TNR: variants seen among roughly 807,000 people sequenced by gnomAD.
TNR encodes tenascin R.
TNR carries 45 observed loss-of-function variants against 150.4 expected under a neutral mutation model. The ratio of observed to expected loss-of-function variants is 0.30; its 90% CI spans 0.24 to 0.38. The LOEUF (loss-of-function observed/expected upper bound fraction) is 0.38. Ranked by LOEUF, TNR falls within the 10% of genes least tolerant of loss-of-function variation. The pLI, the probability that TNR is intolerant of heterozygous loss-of-function variation, is 1.00. For synonymous variants in TNR, 687 were observed against 678.4 expected, an observed-to-expected ratio of 1.01 and a Z score of -0.20; for missense variants, 1,544 against 1,759.1, an observed-to-expected ratio of 0.88 and a Z score of 2.19.
chr1:175,478,750 A>G (rs1657655946), intron 2 of TNR, among the ~76,000 whole-genome samples: 1 of 152,188 alleles, frequency 6.6e-6, no homozygotes, highest in Non-Finnish European at 1.5e-5. Flanking sequence ...TTATATAAAA[A>G]GATAATGTGG....
intron 2 of TNR, among the ~76,000 whole-genome samples, chr1:175,487,191 A>T (rs781286596): frequency 6.6e-6 from 1 of 151,764 alleles, no homozygotes; most frequent in African/African-American, 2.4e-5. Flanking sequence ...GTCAGGTACT[A>T]GGTTCTTATA....
intron 1 of TNR, among the ~76,000 whole-genome samples, chr1:175,730,165 G>A (rs374904078): frequency 2.6e-5 from 4 of 152,018 alleles, no homozygotes; most frequent in African/African-American, 9.7e-5. Context: ...GCCACATCAC[G>A]TTTCTCGGTT....
chr1:175,579,329 C>G (rs954699130), intron 1 of TNR, among the ~76,000 whole-genome samples: 7 of 152,098 alleles, frequency 4.6e-5, no homozygotes, highest in African/African-American at 1.7e-4. Flanking sequence ...GGGAGTGCTA[C>G]AGACTGTAGG....
chr1:175,557,444 G>A (rs1251109131), intron 1 of TNR, among the ~76,000 whole-genome samples: 1 of 152,172 alleles, frequency 6.6e-6, no homozygotes, highest in Admixed American at 6.5e-5. Flanking sequence ...AGTGTGTGAG[G>A]AGGATAACAG....
chr1:175,376,606 A>G (rs1652399346), intron 9 of TNR, among the ~76,000 whole-genome samples: 1 of 152,120 alleles, frequency 6.6e-6, no homozygotes, highest in Non-Finnish European at 1.5e-5. Context: ...GTGAGAAAGC[A>G]CAATGTTTTA....
chr1:175,387,016 T>G (rs964303175), intron 7 of TNR, among the ~76,000 whole-genome samples: 3 of 152,228 alleles, frequency 2.0e-5, no homozygotes, highest in Admixed American at 6.5e-5. Context: ...TCTTCCAGGT[T>G]CTCTAGTGTA....
intron 20 of TNR, among the ~76,000 whole-genome samples, chr1:175,333,931 A>T (rs1175023446): frequency 6.6e-6 from 1 of 152,172 alleles, no homozygotes; most frequent in African/African-American, 2.4e-5. Flanking sequence ...CAGAGGAAGC[A>T]TCGGGGGTTT....
intron 20 of TNR, among the ~76,000 whole-genome samples, chr1:175,332,669 G>T (rs1431037234): frequency 6.6e-6 from 1 of 152,036 alleles, no homozygotes; most frequent in Non-Finnish European, 1.5e-5. Flanking sequence ...TCCCTCACTG[G>T]GATTGGGTTT....
At chr1:175,731,869 T>C (rs1445413189) in intron 1 of TNR, among the ~76,000 whole-genome samples, 1 of 152,222 alleles carries the variant, frequency 6.6e-6, no homozygotes, top group Non-Finnish European at 1.5e-5. Context: ...TTCTCAGGCC[T>C]GCCCAGACCC....
chr1:175,679,850 TTC>T (rs1309891735), intron 1 of TNR, among the ~76,000 whole-genome samples: 1 of 152,220 alleles, frequency 6.6e-6, no homozygotes, highest in Non-Finnish European at 1.5e-5. Flanking sequence ...TTGCTCTGAC[TTC>T]TGTTTCATCT....
intron 1 of TNR, among the ~76,000 whole-genome samples, chr1:175,551,233 A>G (rs528813988): frequency 1.1e-4 from 16 of 152,342 alleles, no homozygotes; most frequent in Non-Finnish European, 2.2e-4. Flanking sequence ...ACAATGGAGG[A>G]GTTTCTGCAA....
chr1:175,513,049 G>T (rs1330193656), intron 2 of TNR, among the ~76,000 whole-genome samples: 1 of 152,152 alleles, frequency 6.6e-6, no homozygotes, highest in Non-Finnish European at 1.5e-5. Flanking sequence ...AATCTGAATC[G>T]CCTAGGGTAA....
intron 2 of TNR, among the ~76,000 whole-genome samples, chr1:175,439,903 A>T (rs1470426188): frequency 1.3e-5 from 2 of 152,210 alleles, no homozygotes; most frequent in Admixed American, 6.5e-5. Context: ...GTGGAGAAAT[A>T]GGAACACTTT....
intron 14 of TNR, 28 bp downstream of exon 14, chr1:175,362,635 A>G (rs770042778): frequency 1.0e-5 from 16 of 1,606,730 alleles, no homozygotes; most frequent in Non-Finnish European, 1.3e-5. Context: ...CAGGGTTCTG[A>G]CTTGACACAG....
intron 1 of TNR, among the ~76,000 whole-genome samples, chr1:175,673,143 C>T (rs1327211021): frequency 6.6e-6 from 1 of 152,184 alleles, no homozygotes; most frequent in Non-Finnish European, 1.5e-5. Flanking sequence ...CCTCTGAATG[C>T]CTTGTCCCCT....
intron 1 of TNR, among the ~76,000 whole-genome samples, chr1:175,691,736 G>A (rs1666375381): frequency 6.6e-6 from 1 of 152,130 alleles, no homozygotes; most frequent in East Asian, 1.9e-4. Flanking sequence ...TGCAGCTGTG[G>A]GGAGTAATCA....
At chr1:175,547,351 C>A (rs985072210) in intron 1 of TNR, among the ~76,000 whole-genome samples, 3 of 152,178 alleles carry the variant, frequency 2.0e-5, no homozygotes, top group African/African-American at 7.2e-5. Context: ...ATAACTTCAA[C>A]CCCTTCCCCA....
At chr1:175,524,012 C>T (rs1433432355) in intron 2 of TNR, among the ~76,000 whole-genome samples, 3 of 152,104 alleles carry the variant, frequency 2.0e-5, no homozygotes, top group South Asian at 2.1e-4. Context: ...CTCTTTTTCT[C>T]GTTTCTCTTC....
At chr1:175,571,561 C>G (rs986835442) in intron 1 of TNR, among the ~76,000 whole-genome samples, 2 of 152,178 alleles carry the variant, frequency 1.3e-5, no homozygotes, top group Admixed American at 6.5e-5. Flanking sequence ...TCCATTTTGC[C>G]TACTCCATTA....
Sources: gnomAD v4.1 joint callset for allele counts (sites outside exome capture counted in the v4.1 genomes callset) on GRCh38, gnomAD v4.1.1 for gene constraint, MANE v1.5 for transcripts, NCBI Gene and HGNC (gene_info 2026-07-23, HGNC 2026-07-21) for gene names.